The following SHISA9 variants were observed in gnomAD, a reference collection of about 807,000 sequenced individuals.
SHISA9 encodes the protein shisa family member 9.
In SHISA9, 13 loss-of-function variants were observed where a neutral mutation model predicts 38.0. The ratio of observed to expected loss-of-function variants is 0.34; its 90% CI spans 0.22 to 0.54. The LOEUF (loss-of-function observed/expected upper bound fraction) is 0.54. Ranked by LOEUF, SHISA9 falls within the 20% of genes least tolerant of loss-of-function variation. The probability of loss-of-function intolerance (pLI) is 0.91; values close to 1 mark genes in which losing one functional copy is unlikely to be tolerated. For synonymous variants in SHISA9, 275 were observed against 242.0 expected (o/e 1.14, Z -1.27); for missense variants, 538 against 575.8 (o/e 0.93, Z 0.67).
the SHISA9 span, among the ~76,000 whole-genome samples, chr16:13,284,581 T>C: frequency 6.6e-6 from 1 of 152,110 alleles, no homozygotes; most frequent in African/African-American, 2.4e-5. Context: ...AATTTCTTTA[T>C]TATGCATTTC....
chr16:13,210,785 A>G (rs930667922), intron 3 of SHISA9, among the ~76,000 whole-genome samples: 2 of 152,248 alleles, frequency 1.3e-5, no homozygotes, highest in African/African-American at 2.4e-5. Flanking sequence ...ATTTCCCCAT[A>G]ATCCGTACTT....
At chr16:13,167,072 CTTTTT>C (rs11372669) in intron 2 of SHISA9, among the ~76,000 whole-genome samples, 1 of 124,430 alleles carries the variant, frequency 8.0e-6, no homozygotes, top group Non-Finnish European at 1.7e-5. Context: ...TCTCTTTTTT[CTTTTT>C]TTTTTTTTTT....
chr16:13,108,763 A>G (rs187433802), intron 2 of SHISA9, among the ~76,000 whole-genome samples: 1 of 152,292 alleles, frequency 6.6e-6, no homozygotes, highest in East Asian at 1.9e-4. Context: ...GATCTTTTTC[A>G]TTTATTTATT....
rs79093218 is a variant in SHISA9 at position 13,092,564 on chromosome 16, A to G, written c.692-110830A>G. On this transcript the variant is annotated intron_variant, in intron 2 of 4. Transcript: ENST00000558583. ...TCTCCCAGCCAGGCTGCCACCTCAC[A>G]TTTCGATCTCAGACGGCTGCGCTAG... is the stretch of plus-strand genomic sequence containing the variant. 3.0e-4 allele frequency among the ~76,000 whole-genome samples: 46 copies of G among 152,302 alleles called. No homozygotes were observed. In the East Asian group the frequency reaches 7.9e-3, roughly 26 times the overall value.
At chr16:13,250,883 A>G in the SHISA9 span, among the ~76,000 whole-genome samples, 4 of 152,118 alleles carry the variant, frequency 2.6e-5, no homozygotes, top group African/African-American at 7.2e-5. Flanking sequence ...CATGATTCAG[A>G]TGCTCTGTGG....
rs771645190 is a variant in SHISA9, at chr16:13,235,132, C to T, written c.998C>T (p.Pro333Leu). 1 of 1,551,600 alleles carries T rather than the reference C, an allele frequency of 6.4e-7. No individual in the cohort carries two copies. The highest frequency in any genetic ancestry group is 1.4e-5 in the African/African-American group (1 of 73,024). The change falls in exon 5 of 5, where the codon CCC becomes CTC. Residue 333 changes from proline to leucine, a missense_variant. This residue lies in a region of SHISA9 where 326 missense variants were observed against 305.9 expected (regional missense o/e 1.07). Coordinates refer to ENST00000558583, the MANE Select transcript of SHISA9 (RefSeq NM_001145204.3). ...PLHPVRVEDE[P>L]RAFSPEHGPA... is the part of the protein sequence containing the mutation. ...CACCCCGTAAGAGTGGAGGACGAGC[C>T]CCGGGCCTTCAGCCCTGAGCACGGT...
the SHISA9 span, among the ~76,000 whole-genome samples, chr16:13,338,466 A>G: frequency 1.3e-5 from 2 of 152,178 alleles, no homozygotes; most frequent in African/African-American, 4.8e-5. Context: ...GTATGTGTTG[A>G]GGCTGAGCAG....
At chr16:13,117,412 C>G (rs538548787) in intron 2 of SHISA9, among the ~76,000 whole-genome samples, 8 of 152,178 alleles carry the variant, frequency 5.3e-5, no homozygotes, top group African/African-American at 1.9e-4. Flanking sequence ...TGGTGACCTT[C>G]CAGAAATTCC....
the SHISA9 span, among the ~76,000 whole-genome samples, chr16:13,444,016 A>G: frequency 6.6e-6 from 1 of 152,184 alleles, no homozygotes; most frequent in African/African-American, 2.4e-5. Flanking sequence ...GTTTTACAAA[A>G]CCATCTTAGA....
At chr16:12,908,129 A>AG (rs1555499430) in intron 1 of SHISA9, among the ~76,000 whole-genome samples, 1 of 152,134 alleles carries the variant, frequency 6.6e-6, no homozygotes, top group South Asian at 2.1e-4. Context: ...AGGACCTGTC[A>AG]CAACTATTAC....
the SHISA9 span, among the ~76,000 whole-genome samples, chr16:13,499,484 TAGAG>T: frequency 1.3e-5 from 2 of 152,122 alleles, no homozygotes; most frequent in South Asian, 4.1e-4. Flanking sequence ...TGTGAGTACA[TAGAG>T]AGAAAAAGAT....
At chr16:13,542,222 G>C in the SHISA9 span, among the ~76,000 whole-genome samples, 1 of 152,118 alleles carries the variant, frequency 6.6e-6, no homozygotes, top group African/African-American at 2.4e-5. Context: ...CTGACTTCTG[G>C]CCTCCAGAAC....
intron 2 of SHISA9, among the ~76,000 whole-genome samples, chr16:13,075,908 A>T (rs560413808): frequency 6.6e-6 from 1 of 152,198 alleles, no homozygotes; most frequent in African/African-American, 2.4e-5. Context: ...GTTTAGCAAC[A>T]TCCTTGGCTT....
chr16:13,364,059 A>G, the SHISA9 span, among the ~76,000 whole-genome samples: 16 of 152,324 alleles, frequency 1.1e-4, no homozygotes, highest in African/African-American at 3.8e-4. Context: ...CTAAGAAACA[A>G]CGAGAAAACA....
At chr16:12,987,267 G>A (rs1468766727) in intron 2 of SHISA9, among the ~76,000 whole-genome samples, 1 of 152,178 alleles carries the variant, frequency 6.6e-6, no homozygotes, top group Non-Finnish European at 1.5e-5. Context: ...TGTATATTTG[G>A]AGTAACTTCA....
At chr16:13,017,400 C>G (rs915593425) in intron 2 of SHISA9, among the ~76,000 whole-genome samples, 15 of 152,298 alleles carry the variant, frequency 9.8e-5, no homozygotes, top group Non-Finnish European at 1.2e-4. Flanking sequence ...TGTCAGCCTT[C>G]CATGTTGGAA....
chr16:13,502,144 A>G, the SHISA9 span, among the ~76,000 whole-genome samples: 1 of 152,214 alleles, frequency 6.6e-6, no homozygotes, highest in South Asian at 2.1e-4. Flanking sequence ...ATCAGAGAGT[A>G]TAATATTTTT....
chr16:13,208,148 A>T (rs1164970024), intron 3 of SHISA9, among the ~76,000 whole-genome samples: 5 of 152,182 alleles, frequency 3.3e-5, no homozygotes, highest in Non-Finnish European at 7.4e-5. Context: ...CATATGAAAA[A>T]TGAGAAAACT....
At chr16:13,482,857 A>T in the SHISA9 span, among the ~76,000 whole-genome samples, 1 of 150,248 alleles carries the variant, frequency 6.7e-6, no homozygotes, top group African/African-American at 2.4e-5. Context: ...AGTCAGTAGG[A>T]GCAGATCCTC....
Sources: gnomAD v4.1 joint callset for allele counts (sites outside exome capture counted in the v4.1 genomes callset) on GRCh38, gnomAD v4.1.1 for gene constraint, gnomAD v4.1.1 regional missense constraint, MANE v1.5 for transcripts, NCBI Gene and HGNC (gene_info 2026-07-23, HGNC 2026-07-21) for gene names.